PTER: variants seen among roughly 807,000 people sequenced by gnomAD.
The protein encoded by PTER is N-acetyltaurine hydrolase.
PTER carries 38 observed loss-of-function variants against 29.6 expected under a neutral mutation model. The observed-to-expected ratio is 1.28, with a 90% CI of 0.99 to 1.68. The LOEUF is 1.68. PTER is among the 40% of genes most tolerant of loss of function. The probability of loss-of-function intolerance (pLI) is 0.00; values close to 1 mark genes in which losing one functional copy is unlikely to be tolerated. For missense variants in PTER, 482 were observed against 427.8 expected (o/e 1.13, Z -1.12); for synonymous variants, 172 against 154.5 (o/e 1.11, Z -0.84).
chr10:16,510,035 A>G (rs143318882), intron 4 of PTER, among the ~76,000 whole-genome samples: 45 of 152,294 alleles, frequency 3.0e-4, no homozygotes, highest in African/African-American at 1.0e-3. Context: ...TACCTTTCAA[A>G]TAATCAGCCT....
chr10:16,484,274 C>T, intron 1 of PTER, 63 bp from the exon 2 acceptor site: 1 of 1,116,916 alleles, frequency 9.0e-7, no homozygotes, highest in African/African-American at 1.6e-5. Context: ...CCCTTACGGA[C>T]AAGAGTTTAT....
At chr10:16,443,663 C>T (rs570323387) in intron 1 of PTER, among the ~76,000 whole-genome samples, 1 of 152,286 alleles carries the variant, frequency 6.6e-6, no homozygotes, top group East Asian at 1.9e-4. Context: ...GGATAGAGTT[C>T]ATCAAGCAGT....
At chr10:16,440,793 T>A (rs1250355549) in intron 1 of PTER, among the ~76,000 whole-genome samples, 1 of 152,252 alleles carries the variant, frequency 6.6e-6, no homozygotes, top group Non-Finnish European at 1.5e-5. Flanking sequence ...ACGTATTCGA[T>A]GAGCTAGAAA....
chr10:16,477,030 C>G (rs1835295167), intron 1 of PTER, among the ~76,000 whole-genome samples: 2 of 151,564 alleles, frequency 1.3e-5, no homozygotes, highest in African/African-American at 4.9e-5. Context: ...CTCAGCCTCT[C>G]AAGTAGCTGG....
At chr10:16,496,102 C>T (rs1207182256) in intron 3 of PTER, among the ~76,000 whole-genome samples, 2 of 152,190 alleles carry the variant, frequency 1.3e-5, no homozygotes, top group Non-Finnish European at 2.9e-5. Flanking sequence ...GCCTAAAGAC[C>T]TCCAGATACA....
intron 3 of PTER, among the ~76,000 whole-genome samples, chr10:16,496,231 A>G (rs1836091596): frequency 1.3e-5 from 2 of 152,198 alleles, no homozygotes; most frequent in South Asian, 4.1e-4. Flanking sequence ...TCTAGCCTCC[A>G]CAATCCACCA....
At position 16,495,333 on chromosome 10, in the gene PTER, G is replaced by T. The variant is rs981011963; in HGVS notation, c.698+8716G>T. Reference sequence around the variant, plus strand: ...TTACAAGCGTGCACTACCACGCTCAGCCAATTTTGTATTTTTAGTAGAGAC... The same window carrying T: ...TTACAAGCGTGCACTACCACGCTCATCCAATTTTGTATTTTTAGTAGAGAC... On this transcript the variant is annotated intron_variant, in intron 3 of 4. Coordinates refer to ENST00000535784, the MANE Select transcript of PTER (RefSeq NM_001261836.2). Among the ~76,000 whole-genome samples the T allele has an allele frequency of 6.6e-5, 10 of 152,212 alleles. No homozygotes were observed. In the East Asian group the frequency reaches 1.7e-3, roughly 26 times the overall value.
intron 3 of PTER, among the ~76,000 whole-genome samples, chr10:16,503,691 C>A (rs1836451749): frequency 6.6e-6 from 1 of 152,066 alleles, no homozygotes; most frequent in Non-Finnish European, 1.5e-5. Context: ...CAGGTGTGAG[C>A]CACCACACCC....
intron 1 of PTER, among the ~76,000 whole-genome samples, chr10:16,481,494 A>G (rs1398018577): frequency 6.6e-6 from 1 of 152,206 alleles, no homozygotes; most frequent in East Asian, 1.9e-4. Context: ...ACTCAAAGAC[A>G]TTCCAGCTTA....
At chr10:16,518,412 T>TTA (rs1347173574), downstream of PTER, among the ~76,000 whole-genome samples, 3 of 152,232 alleles carry the variant, frequency 2.0e-5, no homozygotes, top group Non-Finnish European at 4.4e-5. Flanking sequence ...ATGAAAAGAC[T>TTA]TATACATTAT....
At chr10:16,508,053 T>C (rs1205531335) in intron 4 of PTER, among the ~76,000 whole-genome samples, 1 of 148,096 alleles carries the variant, frequency 6.8e-6, no homozygotes, top group Non-Finnish European at 1.5e-5. Flanking sequence ...TTATTTCTTT[T>C]TTCTTTTTTT....
intron 3 of PTER, among the ~76,000 whole-genome samples, chr10:16,499,204 G>A (rs1028103217): frequency 6.6e-6 from 1 of 151,992 alleles, no homozygotes; most frequent in Non-Finnish European, 1.5e-5. Context: ...AATGAGCTGG[G>A]GCTGTATTAA....
chr10:16,505,010 T>C lies in PTER; in HGVS notation c.699-10T>C, dbSNP rs773459539. On this transcript the variant is annotated splice_polypyrimidine_tract_variant and intron_variant, in intron 3 of 4. Coordinates refer to ENST00000535784, the MANE Select transcript of PTER (RefSeq NM_001261836.2). ...TCATAATAACAGTTCATCTGTCGCA[T>C]TGTTTCTAGGACTATTCTTGATAAG... The C allele has an allele frequency of 1.2e-6, 2 of 1,613,088 alleles. No individual in the cohort carries two copies. Among genetic ancestry groups the C allele is most frequent in the Non-Finnish European group, 1.7e-6 (2 of 1,179,646 alleles).
intron 1 of PTER, among the ~76,000 whole-genome samples, chr10:16,454,876 G>A (rs889253667): frequency 2.6e-5 from 4 of 152,014 alleles, no homozygotes; most frequent in Non-Finnish European, 5.9e-5. Context: ...ATAATCAAAT[G>A]TAATAAAAGA....
At chr10:16,500,339 T>A (rs1836286567) in intron 3 of PTER, among the ~76,000 whole-genome samples, 1 of 151,868 alleles carries the variant, frequency 6.6e-6, no homozygotes, top group South Asian at 2.1e-4. Flanking sequence ...AGCCTCAAAC[T>A]CTTGGGCTCA....
At chr10:16,505,863 C>G (rs1836540707) in intron 4 of PTER, among the ~76,000 whole-genome samples, 1 of 152,112 alleles carries the variant, frequency 6.6e-6, no homozygotes, top group African/African-American at 2.4e-5. Context: ...CTAAGTGTTG[C>G]TACCCAGTGA....
In PTER at chr10:16,503,065, CTTTTTTTTTT is replaced by C. The variant is rs541383811; in HGVS notation, c.699-1937_699-1928del. Among the ~76,000 whole-genome samples, 46 of 69,432 alleles carry C rather than the reference CTTTTTTTTTT, an allele frequency of 6.6e-4. 1 individual carries two copies. Among genetic ancestry groups the C allele is most frequent in the African/African-American group, 2.7e-3 (43 of 16,060 alleles). 45.6% of individuals were successfully genotyped at this position (69,432 alleles called of 152,430 possible). A position where few individuals can be genotyped will look rare whatever the true frequency, so the allele number is the denominator to read the frequency against. The stretch of plus-strand genomic sequence containing the variant: ...GTAGATTCATGGACACATGATAGTG[CTTTTTTTTTT>C]TTTTTTTTTTTTTTTTTGTATTTTT... On this transcript the variant is annotated intron_variant, in intron 3 of 4. Coordinates refer to ENST00000535784, the MANE Select transcript of PTER (RefSeq NM_001261836.2).
In PTER at chr10:16,452,061, A is replaced by G. The variant is rs1588586370; in HGVS notation, c.-49+15014A>G. On this transcript the variant is annotated intron_variant, in intron 1 of 4. Transcript: ENST00000535784. ...CTTTAGCTCCATCCTAAACAATAAT[A>G]TCTATGAAATCACAGGCTTGCAATG... 3.9e-5 allele frequency among the ~76,000 whole-genome samples: 6 copies of G among 152,250 alleles called. 1 individual carries two copies. In the South Asian group the frequency reaches 1.2e-3, roughly 32 times the overall value.
intron 3 of PTER, among the ~76,000 whole-genome samples, chr10:16,487,281 C>G (rs1835739491): frequency 6.6e-6 from 1 of 152,176 alleles, no homozygotes; most frequent in Non-Finnish European, 1.5e-5. Context: ...GAAACTTTGT[C>G]AGGGCCCCGC....
Sources: allele counts gnomAD v4.1 joint callset (sites outside exome capture counted in the v4.1 genomes callset), GRCh38; gene constraint gnomAD v4.1.1; transcripts MANE v1.5; gene names NCBI Gene and HGNC (gene_info 2026-07-23, HGNC 2026-07-21).